Variants in NCKAP5 observed in about 807,000 individuals in gnomAD.
NCKAP5 encodes nck-associated protein 5.
Under a neutral mutation model 167.0 loss-of-function variants are expected in NCKAP5, and 92 were observed. The observed-to-expected ratio is 0.55, with a 90% CI of 0.47 to 0.66. NCKAP5 has a LOEUF of 0.66. NCKAP5 is among the 30% of genes least tolerant of loss of function. The pLI is 0.00. For synonymous variants in NCKAP5, 891 were observed against 877.4 expected, an observed-to-expected ratio of 1.02 and a Z score of -0.27; for missense variants, 2,378 against 2,315.0, an observed-to-expected ratio of 1.03 and a Z score of -0.56.
chr2:133,402,145 AG>A (rs1688143272), intron 3 of NCKAP5, among the ~76,000 whole-genome samples: 1 of 152,176 alleles, frequency 6.6e-6, no homozygotes, highest in South Asian at 2.1e-4. Context: ...GGTGGAAAAG[AG>A]GGAAACTGAA....
intron 3 of NCKAP5, among the ~76,000 whole-genome samples, chr2:133,366,947 T>C (rs982411192): frequency 6.6e-6 from 1 of 152,166 alleles, no homozygotes; most frequent in Admixed American, 6.5e-5. Flanking sequence ...CAGTTTTACT[T>C]ATCACGTAAA....
At position 133,536,671 on chromosome 2, in the gene NCKAP5, T is replaced by C. The variant is rs80209483; in HGVS notation, c.-61-19084A>G. ...TAATTGGGTGATTTGGTTTTTATTA[T>C]TGAGTTCTAAGAGTTTTTTTTATAT... On this transcript the variant is annotated intron_variant, in intron 2 of 19. Coordinates refer to ENST00000409261, the MANE Select transcript of NCKAP5 (RefSeq NM_207363.3). 3.5e-4 allele frequency among the ~76,000 whole-genome samples: 54 copies of C among 152,188 alleles called. 1 individual carries two copies. In the East Asian group the frequency reaches 6.6e-3, roughly 18 times the overall value.
intron 3 of NCKAP5, among the ~76,000 whole-genome samples, chr2:133,304,421 T>G (rs2150576697): frequency 6.6e-6 from 1 of 152,324 alleles, no homozygotes; most frequent in East Asian, 1.9e-4. Flanking sequence ...AGCTAAGAAG[T>G]TTTATGCTTA....
At chr2:132,773,677 A>C (rs1006647390) in intron 16 of NCKAP5, 139 bp downstream of exon 16, 19 of 677,370 alleles carry the variant, frequency 2.8e-5, no homozygotes, top group Middle Eastern at 4.2e-4. Flanking sequence ...ATGTCTAAGG[A>C]GATAATGGCA....
At chr2:133,310,917 T>C (rs1449271795) in intron 3 of NCKAP5, among the ~76,000 whole-genome samples, 1 of 152,220 alleles carries the variant, frequency 6.6e-6, no homozygotes, top group Non-Finnish European at 1.5e-5. Context: ...GCAGAAACAG[T>C]GTTTTTGTTT....
chr2:133,468,683 T>G (rs1388526277), intron 3 of NCKAP5, among the ~76,000 whole-genome samples: 2 of 152,232 alleles, frequency 1.3e-5, no homozygotes, highest in Non-Finnish European at 2.9e-5. Context: ...GCTTTATGAA[T>G]CTTGGTGCTC....
At chr2:133,153,697 C>T (rs181793833) in intron 5 of NCKAP5, among the ~76,000 whole-genome samples, 47 of 152,116 alleles carry the variant, frequency 3.1e-4, no homozygotes, top group Admixed American at 7.9e-4. Flanking sequence ...GTGCTTCTGG[C>T]ATATCTCCAT....
chr2:132,747,211 C>A (rs1320573379), intron 16 of NCKAP5, among the ~76,000 whole-genome samples: 1 of 150,640 alleles, frequency 6.6e-6, no homozygotes, highest in East Asian at 2.0e-4. Context: ...AAACTGAAAT[C>A]AAACAGTGAA....
intron 6 of NCKAP5, among the ~76,000 whole-genome samples, chr2:133,067,985 C>T (rs1353570702): frequency 6.6e-6 from 1 of 152,072 alleles, no homozygotes; most frequent in Non-Finnish European, 1.5e-5. Flanking sequence ...TAGGCTGACC[C>T]TAATAAGAGT....
intron 4 of NCKAP5, among the ~76,000 whole-genome samples, chr2:133,277,604 G>A (rs910286400): frequency 1.3e-5 from 2 of 152,058 alleles, no homozygotes; most frequent in East Asian, 1.9e-4. Flanking sequence ...AAATTAACAC[G>A]ATACCAATAA....
intron 3 of NCKAP5, among the ~76,000 whole-genome samples, chr2:133,475,070 A>G (rs1178867515): frequency 6.6e-6 from 1 of 152,126 alleles, no homozygotes; most frequent in East Asian, 1.9e-4. Flanking sequence ...CAGCCTCCCA[A>G]AGTGCTGGGA....
chr2:132,734,814 C>T (rs1279929969), intron 16 of NCKAP5, among the ~76,000 whole-genome samples: 1 of 152,212 alleles, frequency 6.6e-6, no homozygotes, highest in Non-Finnish European at 1.5e-5. Context: ...AGACAATGCT[C>T]TTAGCCACCA....
At chr2:132,732,773 C>T (rs1020251269) in intron 16 of NCKAP5, among the ~76,000 whole-genome samples, 1 of 152,122 alleles carries the variant, frequency 6.6e-6, no homozygotes, top group Non-Finnish European at 1.5e-5. Context: ...TTGTGTATCT[C>T]GTGCATGAAT....
At chr2:133,398,174 T>C (rs1400784477) in intron 3 of NCKAP5, among the ~76,000 whole-genome samples, 1 of 151,858 alleles carries the variant, frequency 6.6e-6, no homozygotes, top group African/African-American at 2.4e-5. Flanking sequence ...TCTTCTTCAC[T>C]CATATCACAG....
intron 16 of NCKAP5, among the ~76,000 whole-genome samples, chr2:132,746,240 A>C (rs76714607): frequency 5.3e-5 from 8 of 152,114 alleles, no homozygotes; most frequent in African/African-American, 1.9e-4. Context: ...ACATTCCGGA[A>C]ATAGACTCAC....
At chr2:133,662,292 C>G in the NCKAP5 span, among the ~76,000 whole-genome samples, 6 of 152,002 alleles carry the variant, frequency 3.9e-5, no homozygotes, top group South Asian at 2.1e-4. Flanking sequence ...TAATGTGGCT[C>G]TCAATATCTT....
chr2:133,231,335 A>T (rs932217103), intron 4 of NCKAP5, among the ~76,000 whole-genome samples: 1 of 152,226 alleles, frequency 6.6e-6, no homozygotes, highest in African/African-American at 2.4e-5. Context: ...CTAGACTAAA[A>T]GACATGTTTA....
the NCKAP5 span, among the ~76,000 whole-genome samples, chr2:133,649,637 T>C: frequency 6.6e-6 from 1 of 151,992 alleles, no homozygotes; most frequent in African/African-American, 2.4e-5. Context: ...AGGATTAAAA[T>C]CATATAATTA....
At chr2:133,267,853 T>C (rs72987603) in intron 4 of NCKAP5, among the ~76,000 whole-genome samples, 4,039 of 152,242 alleles carry the variant, frequency 0.027, 160 homozygotes, top group African/African-American at 0.088. Flanking sequence ...GTACTGGTGA[T>C]AGATTCACAA....
Sources: allele counts gnomAD v4.1 joint callset (sites outside exome capture counted in the v4.1 genomes callset), GRCh38; gene constraint gnomAD v4.1.1; transcripts MANE v1.5; gene names NCBI Gene and HGNC (gene_info 2026-07-23, HGNC 2026-07-21).